Variants in FAM241B observed in about 807,000 individuals in gnomAD.
The protein encoded by FAM241B is family with sequence similarity 241 member B.
Under a neutral mutation model 9.3 loss-of-function variants are expected in FAM241B, and 7 were observed. The observed-to-expected ratio is 0.75, with a 90% CI of 0.43 to 1.41. FAM241B has a LOEUF of 1.41. FAM241B is among the 40% of genes most tolerant of loss of function. The pLI is 0.01. For synonymous variants in FAM241B, 60 were observed against 64.1 expected, an observed-to-expected ratio of 0.94 and a Z score of 0.31; for missense variants, 136 against 159.6, an observed-to-expected ratio of 0.85 and a Z score of 0.80.
rs1307438146 is a variant in FAM241B at position 69,631,670 on chromosome 10, G to C, written c.-35-39G>C. 3.2e-6 allele frequency: 5 copies of C among 1,574,298 alleles called. No homozygotes were observed. In the Admixed American group the frequency reaches 9.6e-5, roughly 30 times the overall value. ...GGTGGGGAGAACTTCTGTGCCACTTGGCTTCCATTAGCCTGCCCACCCTGA... is the reference window on the plus strand; with the variant it reads ...GGTGGGGAGAACTTCTGTGCCACTTCGCTTCCATTAGCCTGCCCACCCTGA... On this transcript the variant is annotated intron_variant, in intron 2 of 3. Transcript: ENST00000373279.
At position 69,632,806 on chromosome 10, in the gene FAM241B, G is replaced by A; in HGVS notation, c.113G>A (p.Gly38Asp). 6.2e-7 allele frequency: 1 copy of A among 1,613,564 alleles called. No homozygotes were observed. Residue 38 changes from glycine to aspartate, a missense_variant, in exon 4 of 4, where the codon GGC becomes GAC. Coordinates refer to ENST00000373279, the MANE Select transcript of FAM241B (RefSeq NM_145306.3). ...ACATTCCAGAGCTTCTTCAACAGGG[G>A]CCATGGTGCTCCCCCAGGGGGTCCT... ...SIPRQSFFNR[G>D]HGAPPGGPGP... is the part of the protein sequence containing the mutation.
chr10:69,630,730 G>T (rs1184747956), intron 1 of FAM241B: 1 of 1,222,184 alleles, frequency 8.2e-7, no homozygotes, highest in Non-Finnish European at 1.1e-6. Context: ...AGGCGTGGAG[G>T]GGCCCCGCAG....
At chr10:69,630,965 C>G (rs1315461220) in intron 1 of FAM241B, among the ~76,000 whole-genome samples, 1 of 152,004 alleles carries the variant, frequency 6.6e-6, no homozygotes. Flanking sequence ...AAAGTAACCC[C>G]GAAGTGACCC....
In FAM241B at chr10:69,633,107, C is replaced by T. The variant is rs773521857; in HGVS notation, c.*48C>T. ...GGTTTGTTGAGAGGGACTTGCTGGG[C>T]CTTGGTGTGAGAGCAGGCATATTTG... is the stretch of plus-strand genomic sequence containing the variant. On this transcript the variant is annotated 3_prime_UTR_variant, in exon 4 of 4. Transcript: ENST00000373279. 3 of 1,603,740 alleles carry T rather than the reference C, an allele frequency of 1.9e-6. No individual in the cohort carries two copies. Among genetic ancestry groups the T allele is most frequent in the Non-Finnish European group, 1.7e-6 (2 of 1,174,782 alleles).
At chr10:69,632,012 C>G (rs899618963) in intron 3 of FAM241B, among the ~76,000 whole-genome samples, 173 bp downstream of exon 3, 1 of 151,068 alleles carries the variant, frequency 6.6e-6, no homozygotes, top group South Asian at 2.1e-4. Flanking sequence ...TCTCCTTTCT[C>G]CAGGCGCCTC....
At chr10:69,632,712 T>C in intron 3 of FAM241B, 78 bp from the exon 4 acceptor site, 10 of 1,506,148 alleles carry the variant, frequency 6.6e-6, no homozygotes, top group Non-Finnish European at 8.1e-6. Flanking sequence ...AAGGGCAGGA[T>C]GCAGCCTAGA....
intron 3 of FAM241B, 124 bp downstream of exon 3, chr10:69,631,963 C>CTGGGTAAGGCT: frequency 7.4e-7 from 1 of 1,352,460 alleles, no homozygotes; most frequent in Non-Finnish European, 1.0e-6. Flanking sequence ...TTGCAGAGAG[C>CTGGGTAAGGCT]TGGGGAAGAT....
rs376428994 is a variant in FAM241B at position 69,632,764 on chromosome 10, C to A, written c.97-26C>A. 4.5e-5 allele frequency: 73 copies of A among 1,604,780 alleles called. 1 individual carries two copies. The highest frequency in any genetic ancestry group is 6.0e-5 in the Non-Finnish European group (71 of 1,175,728). On this transcript the variant is annotated intron_variant, in intron 3 of 3. Coordinates refer to ENST00000373279, the MANE Select transcript of FAM241B (RefSeq NM_145306.3). Reference sequence around the variant, plus strand: ...TGGTGCGTCAACCCAATGATTCATTCATCTCTCTCTGTCTTCACATTCCAG... The same window carrying A: ...TGGTGCGTCAACCCAATGATTCATTAATCTCTCTCTGTCTTCACATTCCAG...
At chr10:69,631,265 G>A (rs981910092) in intron 1 of FAM241B, among the ~76,000 whole-genome samples, 3 of 152,258 alleles carry the variant, frequency 2.0e-5, no homozygotes, top group African/African-American at 7.2e-5. Flanking sequence ...GTGTTGTGAG[G>A]CTTGAGTGAG....
At position 69,633,207 on chromosome 10, in the gene FAM241B, C is replaced by A; in HGVS notation, c.*148C>A. On this transcript the variant is annotated 3_prime_UTR_variant, in exon 4 of 4. Transcript: ENST00000373279. ...GTGTGTGTTTCCCCTTTGTGTTAAGCGTGAGGCAGAGGGAGACGTTAGTCC... is the reference window on the plus strand; with the variant it reads ...GTGTGTGTTTCCCCTTTGTGTTAAGAGTGAGGCAGAGGGAGACGTTAGTCC... The A allele has an allele frequency of 8.2e-7, 1 of 1,221,062 alleles. No homozygotes were observed. The highest frequency in any genetic ancestry group is 1.1e-6 in the Non-Finnish European group (1 of 873,150). The allele number at this position is 1,221,062 out of a possible 1,614,324, so 75.6% of individuals were successfully genotyped here. A position where few individuals can be genotyped will look rare whatever the true frequency, so the allele number is the denominator to read the frequency against.
intron 1 of FAM241B, chr10:69,630,706 C>T (rs1275697298): frequency 2.3e-6 from 3 of 1,280,420 alleles, no homozygotes; most frequent in Middle Eastern, 2.2e-4. Flanking sequence ...TGGCCTTTAC[C>T]CAGACTCAAG....
At chr10:69,630,453 C>T (rs1017371573) in intron 1 of FAM241B, 140 bp downstream of exon 1, 7 of 186,506 alleles carry the variant, frequency 3.8e-5, no homozygotes, top group South Asian at 1.3e-4. Flanking sequence ...GTCAGGTGCG[C>T]CGCGGGCCGG....
chr10:69,631,412 A>G, intron 1 of FAM241B, 68 bp from the exon 2 acceptor site: 1 of 1,267,140 alleles, frequency 7.9e-7, no homozygotes, highest in Non-Finnish European at 1.1e-6. Context: ...TTCCTGGTGG[A>G]CTCAATGTCT....
Position 69,631,565 on chromosome 10 carries a change from A to C in FAM241B, c.-36+18A>C, listed in dbSNP as rs1266598501. The C allele has an allele frequency of 3.2e-6, 5 of 1,547,266 alleles. No homozygotes were observed. The highest frequency in any genetic ancestry group is 4.4e-6 in the Non-Finnish European group (5 of 1,145,350). ...AATTTCTGGTAAATTTTTTCCTTCAAGCTTTTTGAGGTCAGGGGGAAAATC... is the reference window on the plus strand; with the variant it reads ...AATTTCTGGTAAATTTTTTCCTTCACGCTTTTTGAGGTCAGGGGGAAAATC... On this transcript the variant is annotated intron_variant, in intron 2 of 3. Coordinates refer to ENST00000373279, the MANE Select transcript of FAM241B (RefSeq NM_145306.3).
At position 69,633,154 on chromosome 10, in the gene FAM241B, G is replaced by A; in HGVS notation, c.*95G>A. On this transcript the variant is annotated 3_prime_UTR_variant, in exon 4 of 4. Transcript: ENST00000373279. ...TTTGGAGGGGATCTGGTGGTGCCTT[G>A]AAGGTATGATCAGAGAGGGGACCAC... The A allele has an allele frequency of 1.3e-6, 2 of 1,520,918 alleles. No homozygotes were observed. The highest frequency in any genetic ancestry group is 1.8e-6 in the Non-Finnish European group (2 of 1,119,478). 94.2% of individuals were successfully genotyped at this position (1,520,918 alleles called of 1,614,324 possible). A position where few individuals can be genotyped will look rare whatever the true frequency, so the allele number is the denominator to read the frequency against.
intron 2 of FAM241B, 26 bp from the exon 3 acceptor site, chr10:69,631,683 C>T (rs1245632596): frequency 6.3e-7 from 1 of 1,584,926 alleles, no homozygotes; most frequent in South Asian, 1.2e-5. Context: ...TTCCATTAGC[C>T]TGCCCACCCT....
Position 69,631,787 on chromosome 10 carries a change from A to G in FAM241B, c.44A>G (p.Asp15Gly), listed in dbSNP as rs750260791. ...LANGEIVQDDDPRVRTTTQPP... is the reference protein window; with the variant it reads ...LANGEIVQDDGPRVRTTTQPP... ...AATGGGGAAATCGTGCAGGATGACG[A>G]CCCCCGAGTGAGGACCACTACCCAG... The change falls in exon 3 of 4, where the codon GAC (aspartate) becomes GGC (glycine). Residue 15 changes from aspartate (D) to glycine (G), a missense_variant. Coordinates refer to ENST00000373279, the MANE Select transcript of FAM241B (RefSeq NM_145306.3). 6.2e-7 allele frequency: 1 copy of G among 1,612,898 alleles called. No homozygotes were observed. Among genetic ancestry groups the G allele is most frequent in the African/African-American group, 1.3e-5 (1 of 74,890 alleles).
chr10:69,633,251 G>T lies in FAM241B; in HGVS notation c.*192G>T, dbSNP rs1839862981. On this transcript the variant is annotated 3_prime_UTR_variant, in exon 4 of 4. Transcript: ENST00000373279. Reference sequence around the variant, plus strand: ...TTAGTCCAGCATTTCCAAAGTGTGGGTGGGTCCGTTGGTTCCCAAGATACT... The same window carrying T: ...TTAGTCCAGCATTTCCAAAGTGTGGTTGGGTCCGTTGGTTCCCAAGATACT... The T allele has an allele frequency of 1.2e-6, 1 of 845,800 alleles. No individual in the cohort carries two copies. The highest frequency in any genetic ancestry group is 1.8e-6 in the Non-Finnish European group (1 of 554,262). The allele number at this position is 845,800 out of a possible 1,614,324, so 52.4% of individuals were successfully genotyped here.
At chr10:69,631,398 A>T in intron 1 of FAM241B, 82 bp from the exon 2 acceptor site, 1 of 1,161,480 alleles carries the variant, frequency 8.6e-7, no homozygotes. Context: ...TCTTTTTGAT[A>T]GTTTTCCTGG....
Sources: gnomAD v4.1 joint callset for allele counts (sites outside exome capture counted in the v4.1 genomes callset) on GRCh38, gnomAD v4.1.1 for gene constraint, MANE v1.5 for transcripts, NCBI Gene and HGNC (gene_info 2026-07-23, HGNC 2026-07-21) for gene names.